GADL1: variants seen among roughly 807,000 people sequenced by gnomAD.
The protein encoded by GADL1 is acidic amino acid decarboxylase GADL1.
GADL1 carries 71 observed loss-of-function variants against 69.5 expected under a neutral mutation model. The ratio of observed to expected loss-of-function variants is 1.02; its 90% CI spans 0.84 to 1.25. The LOEUF is 1.25. Ranked by LOEUF, GADL1 falls within the 50% of genes most tolerant of loss-of-function variation. The pLI is 0.00. For missense variants in GADL1, 737 were observed against 631.8 expected, an observed-to-expected ratio of 1.17 and a Z score of -1.79; for synonymous variants, 254 against 214.4, an observed-to-expected ratio of 1.18 and a Z score of -1.62.
intron 1 of GADL1, among the ~76,000 whole-genome samples, chr3:30,862,975 C>G (rs537135430): frequency 6.6e-6 from 1 of 151,714 alleles, no homozygotes; most frequent in African/African-American, 2.4e-5. Context: ...TTGCAGTCAC[C>G]TTTCAAACAC....
chr3:30,791,140 T>G (rs1696904070), intron 12 of GADL1, among the ~76,000 whole-genome samples: 1 of 152,158 alleles, frequency 6.6e-6, no homozygotes, highest in African/African-American at 2.4e-5. Context: ...CTTTCAAAGT[T>G]TCATACATGT....
At chr3:30,830,610 G>C (rs1254824743) in intron 11 of GADL1, among the ~76,000 whole-genome samples, 1 of 151,906 alleles carries the variant, frequency 6.6e-6, no homozygotes, top group Non-Finnish European at 1.5e-5. Context: ...TCAGGGCTAA[G>C]TTCTAGGCCT....
At chr3:30,873,525 C>T (rs1050843928) in intron 1 of GADL1, among the ~76,000 whole-genome samples, 4 of 151,874 alleles carry the variant, frequency 2.6e-5, no homozygotes, top group African/African-American at 9.7e-5. Flanking sequence ...CTTTCTGTGT[C>T]TTATCAACCA....
chr3:30,756,141 A>T lies in GADL1; in HGVS notation c.1392+22038T>A, dbSNP rs142813465. On this transcript the variant is annotated intron_variant, in intron 14 of 14. Coordinates refer to ENST00000282538, the MANE Select transcript of GADL1 (RefSeq NM_207359.3). ...AATGACTCGCCACTCTTCGGGGCAC[A>T]GGATCTAGCTATGTCAAGCATTCAT... Among the ~76,000 whole-genome samples, 762 of 152,326 alleles carry T rather than the reference A, an allele frequency of 5.0e-3. 7 individuals carry two copies. The highest frequency in any genetic ancestry group is 0.018 in the African/African-American group (735 of 41,576).
At position 30,728,081 on chromosome 3, in the gene GADL1, C is replaced by G; in HGVS notation, c.*161G>C. On this transcript the variant is annotated 3_prime_UTR_variant, in exon 15 of 15. Coordinates refer to ENST00000282538, the MANE Select transcript of GADL1 (RefSeq NM_207359.3). ...GTAATGCCCAGGCAGCTAGAGAGTCCTTAATATTCATTGCTTAGCATTTTG... is the reference window on the plus strand; with the variant it reads ...GTAATGCCCAGGCAGCTAGAGAGTCGTTAATATTCATTGCTTAGCATTTTG... 1.7e-6 allele frequency: 1 copy of G among 605,828 alleles called. No individual in the cohort carries two copies. Among genetic ancestry groups the G allele is most frequent in the Admixed American group, 2.6e-5 (1 of 38,886 alleles). The allele number at this position is 605,828 out of a possible 1,614,324, so 37.5% of individuals were successfully genotyped here. A position where few individuals can be genotyped will look rare whatever the true frequency, so the allele number is the denominator to read the frequency against.
intron 11 of GADL1, among the ~76,000 whole-genome samples, chr3:30,832,187 T>C (rs1697803643): frequency 1.3e-5 from 2 of 151,864 alleles, no homozygotes; most frequent in Non-Finnish European, 1.5e-5. Context: ...TCCATTTAAA[T>C]TGAAAACGGT....
intron 14 of GADL1, among the ~76,000 whole-genome samples, chr3:30,762,152 T>C (rs960866820): frequency 1.3e-5 from 2 of 152,158 alleles, no homozygotes; most frequent in African/African-American, 2.4e-5. Flanking sequence ...ATAGTGGAAT[T>C]TGAAGGAGTC....
At chr3:30,848,671 C>T (rs1698094714) in intron 6 of GADL1, among the ~76,000 whole-genome samples, 1 of 152,168 alleles carries the variant, frequency 6.6e-6, no homozygotes, top group African/African-American at 2.4e-5. Context: ...GAAAAAATCT[C>T]TTCCAATAAA....
At chr3:30,758,017 A>C (rs1170312561) in intron 14 of GADL1, among the ~76,000 whole-genome samples, 1 of 152,154 alleles carries the variant, frequency 6.6e-6, no homozygotes, top group Non-Finnish European at 1.5e-5. Flanking sequence ...CCATGAGTTA[A>C]GTATTAAACT....
At position 30,808,659 on chromosome 3, in the gene GADL1, C is replaced by T. The variant is rs578032022; in HGVS notation, c.1051-7571G>A. Among the ~76,000 whole-genome samples the T allele has an allele frequency of 4.8e-3, 737 of 152,316 alleles. 4 individuals carry two copies. Among genetic ancestry groups the T allele is most frequent in the Non-Finnish European group, 8.4e-3 (574 of 68,022 alleles). ...TACAGATTCTTACATTAGCCCACTA[C>T]TTTTATGAATCTTTTGCCTTTTTTG... On this transcript the variant is annotated intron_variant, in intron 11 of 14. Coordinates refer to ENST00000282538, the MANE Select transcript of GADL1 (RefSeq NM_207359.3).
intron 9 of GADL1, 22 bp from the exon 10 acceptor site, chr3:30,834,303 C>T: frequency 1.9e-6 from 3 of 1,598,766 alleles, no homozygotes; most frequent in Non-Finnish European, 2.6e-6. Context: ...TTTACAGTAC[C>T]AGAACAATGT....
intron 1 of GADL1, among the ~76,000 whole-genome samples, chr3:30,879,110 G>A (rs1698612282): frequency 6.6e-6 from 1 of 151,786 alleles, no homozygotes; most frequent in South Asian, 2.1e-4. Flanking sequence ...TTGTCCCTGG[G>A]CAATCTCACT....
chr3:30,874,011 C>A (rs769722985), intron 1 of GADL1, among the ~76,000 whole-genome samples: 1 of 151,890 alleles, frequency 6.6e-6, no homozygotes, highest in Non-Finnish European at 1.5e-5. Context: ...CCAAGGGGTA[C>A]ATTTAAATTA....
intron 4 of GADL1, among the ~76,000 whole-genome samples, chr3:30,852,613 C>T (rs1575235011): frequency 6.6e-6 from 1 of 151,086 alleles, no homozygotes; most frequent in East Asian, 2.0e-4. Context: ...TGTGAACCTA[C>T]AAATATATAT....
At chr3:30,866,941 C>G (rs899309305) in intron 1 of GADL1, among the ~76,000 whole-genome samples, 1 of 152,022 alleles carries the variant, frequency 6.6e-6, no homozygotes, top group African/African-American at 2.4e-5. Flanking sequence ...GTCATCTTAT[C>G]TAACCTTTTC....
At chr3:30,754,928 G>A (rs1575186102) in intron 14 of GADL1, among the ~76,000 whole-genome samples, 1 of 152,010 alleles carries the variant, frequency 6.6e-6, no homozygotes, top group East Asian at 1.9e-4. Flanking sequence ...GATAATAAAT[G>A]GTCAAATATT....
chr3:30,813,593 C>G (rs1315592194), intron 11 of GADL1, among the ~76,000 whole-genome samples: 1 of 152,224 alleles, frequency 6.6e-6, no homozygotes, highest in African/African-American at 2.4e-5. Flanking sequence ...GCAGTAAGGC[C>G]TGTGGCCTAC....
At chr3:30,850,990 T>C in intron 4 of GADL1, 49 bp from the exon 5 acceptor site, 1 of 1,105,656 alleles carries the variant, frequency 9.0e-7, no homozygotes, top group Admixed American at 2.1e-5. Context: ...AGTCAAAACA[T>C]TCCTTTGGTG....
At chr3:30,731,633 G>A (rs1212910100) in intron 14 of GADL1, among the ~76,000 whole-genome samples, 1 of 152,100 alleles carries the variant, frequency 6.6e-6, no homozygotes, top group East Asian at 1.9e-4. Flanking sequence ...AAAACGCAGG[G>A]AATAAAAACC....
Sources: allele counts gnomAD v4.1 joint callset (sites outside exome capture counted in the v4.1 genomes callset), GRCh38; gene constraint gnomAD v4.1.1; transcripts MANE v1.5; gene names NCBI Gene and HGNC (gene_info 2026-07-23, HGNC 2026-07-21).